Variants in GPC5 observed in about 807,000 individuals in gnomAD.
The protein encoded by GPC5 is glypican 5.
Under a neutral mutation model 53.9 loss-of-function variants are expected in GPC5, and 47 were observed. The observed-to-expected ratio is 0.87, with a 90% confidence interval of 0.69 to 1.11. GPC5 has a LOEUF of 1.11. Among genes scored for constraint, GPC5 ranks in the 50% most tolerant of loss-of-function variants. The probability of loss-of-function intolerance (pLI) is 0.00; values close to 1 mark genes in which losing one functional copy is unlikely to be tolerated. For missense variants in GPC5, 748 were observed against 713.1 expected, an observed-to-expected ratio of 1.05 and a Z score of -0.56; for synonymous variants, 286 against 263.3, an observed-to-expected ratio of 1.09 and a Z score of -0.84.
chr13:92,559,391 T>C (rs980832376), intron 7 of GPC5, among the ~76,000 whole-genome samples: 1 of 150,514 alleles, frequency 6.6e-6, no homozygotes, highest in Non-Finnish European at 1.5e-5. Flanking sequence ...GGCGCGGGTG[T>C]ACTATTTTCT....
At chr13:91,900,173 AT>A (rs1642115019) in intron 5 of GPC5, among the ~76,000 whole-genome samples, 1 of 152,190 alleles carries the variant, frequency 6.6e-6, no homozygotes, top group South Asian at 2.1e-4. Flanking sequence ...CAAAAAAGCT[AT>A]ATAAGATTCT....
intron 7 of GPC5, among the ~76,000 whole-genome samples, chr13:92,706,498 C>CA (rs1887956127): frequency 6.6e-6 from 1 of 152,002 alleles, no homozygotes; most frequent in Non-Finnish European, 1.5e-5. Context: ...ACAAAGCCTT[C>CA]AAAGAAGTAT....
chr13:92,547,816 A>ATTCTTTT (rs1882171959), intron 7 of GPC5, among the ~76,000 whole-genome samples: 1 of 101,052 alleles, frequency 9.9e-6, no homozygotes, highest in Non-Finnish European at 2.0e-5. Context: ...TATGCCTATT[A>ATTCTTTT]TTCTTTTTTT....
At chr13:91,400,844 G>A (rs538874597) in intron 1 of GPC5, among the ~76,000 whole-genome samples, 3 of 152,296 alleles carry the variant, frequency 2.0e-5, no homozygotes, top group Admixed American at 1.3e-4. Flanking sequence ...CTGAGACAGT[G>A]TCTTACCAGG....
intron 5 of GPC5, among the ~76,000 whole-genome samples, chr13:91,784,927 T>C (rs1434128680): frequency 1.3e-5 from 2 of 152,252 alleles, no homozygotes; most frequent in Non-Finnish European, 2.9e-5. Flanking sequence ...CTTAGTTTAA[T>C]GTCACCAGTG....
chr13:92,683,733 C>CAT (rs1234745500), intron 7 of GPC5, among the ~76,000 whole-genome samples: 1 of 152,090 alleles, frequency 6.6e-6, no homozygotes, highest in Admixed American at 6.5e-5. Flanking sequence ...GTAGTAACCA[C>CAT]ATATATATAT....
intron 2 of GPC5, among the ~76,000 whole-genome samples, chr13:91,607,308 G>A (rs190761206): frequency 1.7e-4 from 26 of 152,262 alleles, no homozygotes; most frequent in South Asian, 4.1e-4. Flanking sequence ...CAGGCATTTC[G>A]TAAGTCTTTA....
rs9589265 is a variant in GPC5, at chr13:91,508,685, A to G, written c.325+59763A>G. Reference sequence around the variant, plus strand: ...TTTGCAAAAAGATGGATCAACCATGACAAATATGCTACAGACAACTGACTA... The same window carrying G: ...TTTGCAAAAAGATGGATCAACCATGGCAAATATGCTACAGACAACTGACTA... On this transcript the variant is annotated intron_variant, in intron 2 of 7. Transcript: ENST00000377067. 7.2e-3 allele frequency among the ~76,000 whole-genome samples: 1,090 copies of G among 152,336 alleles called. 13 individuals carry two copies. The highest frequency in any genetic ancestry group is 0.025 in the African/African-American group (1,059 of 41,586).
At chr13:91,841,152 T>C (rs2038783112) in intron 5 of GPC5, among the ~76,000 whole-genome samples, 1 of 151,876 alleles carries the variant, frequency 6.6e-6, no homozygotes, top group South Asian at 2.1e-4. Flanking sequence ...GAAGAGCTTT[T>C]TCACACAGAC....
At chr13:91,987,346 T>G (rs9523467) in intron 6 of GPC5, among the ~76,000 whole-genome samples, 61,703 of 151,976 alleles carry the variant, frequency 0.41, 14,566 homozygotes, top group East Asian at 0.75. Context: ...CTGCTACTCT[T>G]AACAGCAAGG....
chr13:92,197,184 T>C (rs2042262271), intron 7 of GPC5, among the ~76,000 whole-genome samples: 1 of 151,782 alleles, frequency 6.6e-6, no homozygotes, highest in African/African-American at 2.4e-5. Context: ...ACTCACAATT[T>C]CCCTTCTCTG....
At chr13:92,534,938 A>G (rs2138992946) in intron 7 of GPC5, among the ~76,000 whole-genome samples, 2 of 152,318 alleles carry the variant, frequency 1.3e-5, no homozygotes, top group South Asian at 4.1e-4. Flanking sequence ...TTGTACTTCC[A>G]ACGATACCTA....
chr13:92,489,161 A>C (rs1300138707), intron 7 of GPC5, among the ~76,000 whole-genome samples: 1 of 152,332 alleles, frequency 6.6e-6, no homozygotes, highest in Admixed American at 6.5e-5. Context: ...TCTACTGCTA[A>C]ACTCTGATGA....
chr13:92,520,411 C>T (rs942502488), intron 7 of GPC5, among the ~76,000 whole-genome samples: 1 of 152,110 alleles, frequency 6.6e-6, no homozygotes, highest in Admixed American at 6.5e-5. Flanking sequence ...TCCAGAAGCA[C>T]ATCAAAAAAG....
chr13:92,421,143 A>G (rs181742791), intron 7 of GPC5, among the ~76,000 whole-genome samples: 1 of 152,246 alleles, frequency 6.6e-6, no homozygotes. Flanking sequence ...CATCTTTGCC[A>G]AGTTCCATAA....
intron 2 of GPC5, among the ~76,000 whole-genome samples, chr13:91,671,641 G>A (rs560342694): frequency 1.3e-5 from 2 of 151,858 alleles, no homozygotes; most frequent in South Asian, 2.1e-4. Context: ...TGTGGAAATG[G>A]CCATACTGTC....
At chr13:92,615,826 G>A (rs890597296) in intron 7 of GPC5, among the ~76,000 whole-genome samples, 7 of 152,028 alleles carry the variant, frequency 4.6e-5, no homozygotes, top group East Asian at 1.9e-4. Context: ...AGGCCGAGGC[G>A]GGTGGATCAC....
intron 7 of GPC5, among the ~76,000 whole-genome samples, chr13:92,740,648 T>G (rs890389224): frequency 7.2e-5 from 11 of 151,976 alleles, no homozygotes; most frequent in Non-Finnish European, 1.5e-4. Flanking sequence ...GGAAGACTTC[T>G]TCATGGATGG....
At chr13:91,566,448 C>A (rs996374335) in intron 2 of GPC5, among the ~76,000 whole-genome samples, 2 of 152,030 alleles carry the variant, frequency 1.3e-5, no homozygotes, top group Non-Finnish European at 2.9e-5. Context: ...CCAGTAGTAC[C>A]AGCTACTTAA....
Sources: allele counts gnomAD v4.1 joint callset (sites outside exome capture counted in the v4.1 genomes callset), GRCh38; gene constraint gnomAD v4.1.1; transcripts MANE v1.5; gene names NCBI Gene and HGNC (gene_info 2026-07-23, HGNC 2026-07-21).